TBC1D12: variants seen among roughly 807,000 people sequenced by gnomAD.
TBC1D12 encodes TBC1 domain family member 12, also known as TBC1 domain family, member 12.
TBC1D12 carries 56 observed loss-of-function variants against 86.7 expected under a neutral mutation model. The observed-to-expected ratio is 0.65, with a 90% CI of 0.52 to 0.81. The LOEUF (loss-of-function observed/expected upper bound fraction) is 0.81, where lower values mean the gene tolerates loss of function less well. Among genes scored for constraint, TBC1D12 ranks in the 30% least tolerant of loss-of-function variants. The pLI is 0.00. For missense variants in TBC1D12, 1,023 were observed against 1,038.8 expected (o/e 0.98, Z 0.21); for synonymous variants, 421 against 411.7 (o/e 1.02, Z -0.27).
intron 2 of TBC1D12, among the ~76,000 whole-genome samples, chr10:94,472,070 G>A (rs1057342125): frequency 5.9e-5 from 9 of 152,174 alleles, no homozygotes; most frequent in Admixed American, 2.6e-4. Context: ...GATCTACCCC[G>A]ATGAGCCTTT....
chr10:94,506,203 A>C (rs1405674499), intron 6 of TBC1D12, among the ~76,000 whole-genome samples: 1 of 151,810 alleles, frequency 6.6e-6, no homozygotes. Context: ...TGCCCAGCTA[A>C]ATTTTTTGTA....
chr10:94,444,340 CT>C (rs959995732), intron 2 of TBC1D12, among the ~76,000 whole-genome samples: 4 of 151,236 alleles, frequency 2.6e-5, no homozygotes, highest in African/African-American at 9.7e-5. Context: ...TTAAGAGTTA[CT>C]GTGAAAAAAA....
intron 9 of TBC1D12, 43 bp from the exon 10 acceptor site, chr10:94,521,912 A>G (rs762817378): frequency 6.6e-7 from 1 of 1,516,132 alleles, no homozygotes; most frequent in Non-Finnish European, 8.9e-7. Flanking sequence ...ATATAGATTT[A>G]TTATTGTAAG....
intron 3 of TBC1D12, among the ~76,000 whole-genome samples, chr10:94,490,959 T>C (rs2056237924): frequency 6.6e-6 from 1 of 152,114 alleles, no homozygotes; most frequent in South Asian, 2.1e-4. Flanking sequence ...TCTCTGCAGC[T>C]CCCTTCTTTT....
intron 1 of TBC1D12, among the ~76,000 whole-genome samples, chr10:94,408,496 GT>G (rs1037182834): frequency 1.3e-5 from 2 of 151,904 alleles, no homozygotes; most frequent in African/African-American, 2.4e-5. Context: ...AACCAATGAA[GT>G]TTTTTTGTTT....
chr10:94,488,330 G>T (rs1448220696), intron 3 of TBC1D12, among the ~76,000 whole-genome samples: 2 of 150,264 alleles, frequency 1.3e-5, no homozygotes, highest in African/African-American at 4.9e-5. Context: ...GGAGGCTGCA[G>T]TGAGCTGAGA....
chr10:94,468,644 T>C (rs2055858912), intron 2 of TBC1D12, among the ~76,000 whole-genome samples: 1 of 152,208 alleles, frequency 6.6e-6, no homozygotes, highest in Admixed American at 6.5e-5. Context: ...TTTTAGCAAA[T>C]AATTATGATG....
chr10:94,434,379 G>A (rs1053742015), intron 1 of TBC1D12, among the ~76,000 whole-genome samples: 3 of 151,746 alleles, frequency 2.0e-5, no homozygotes, highest in Non-Finnish European at 4.4e-5. Context: ...GGTGGTGTGC[G>A]CCTGTAATCC....
chr10:94,456,659 T>C (rs2055631400), intron 2 of TBC1D12, among the ~76,000 whole-genome samples: 1 of 152,232 alleles, frequency 6.6e-6, no homozygotes. Flanking sequence ...TTGGATGCGG[T>C]AGTCTACAGA....
At chr10:94,434,734 C>T (rs961039813) in intron 1 of TBC1D12, among the ~76,000 whole-genome samples, 2 of 151,992 alleles carry the variant, frequency 1.3e-5, no homozygotes, top group Non-Finnish European at 2.9e-5. Flanking sequence ...AGTGAGACCT[C>T]GTCTCTACAA....
At chr10:94,463,510 T>G (rs11187966) in intron 2 of TBC1D12, among the ~76,000 whole-genome samples, 1 of 152,024 alleles carries the variant, frequency 6.6e-6, no homozygotes, top group East Asian at 1.9e-4. Context: ...GATTAATCCA[T>G]TCATGAGGGC....
rs1459357583 is a variant in TBC1D12, at chr10:94,421,944, A to G, written c.971+18360A>G. 2.6e-5 allele frequency among the ~76,000 whole-genome samples: 4 copies of G among 152,314 alleles called. No individual in the cohort carries two copies. In the East Asian group the frequency reaches 7.7e-4, roughly 29 times the overall value. On this transcript the variant is annotated intron_variant, in intron 1 of 12. Transcript: ENST00000225235. Reference sequence around the variant, plus strand: ...TGGATTCTAGACCCTTATCAGATAAATGATTTGCAATTATTTTCTCCTATG... The same window carrying G: ...TGGATTCTAGACCCTTATCAGATAAGTGATTTGCAATTATTTTCTCCTATG...
At chr10:94,432,104 G>T (rs1351086037) in intron 1 of TBC1D12, among the ~76,000 whole-genome samples, 1 of 151,910 alleles carries the variant, frequency 6.6e-6, no homozygotes, top group Non-Finnish European at 1.5e-5. Flanking sequence ...TTAATATTTT[G>T]GGGGGTGGGA....
At chr10:94,500,147 G>T (rs2056375561) in intron 5 of TBC1D12, 74 bp from the exon 6 acceptor site, 2 of 1,343,152 alleles carry the variant, frequency 1.5e-6, no homozygotes, top group Admixed American at 4.1e-5. Context: ...ATAGACTAAA[G>T]ATAATCCATC....
intron 3 of TBC1D12, among the ~76,000 whole-genome samples, chr10:94,488,796 C>T (rs2056206284): frequency 6.6e-6 from 1 of 152,030 alleles, no homozygotes; most frequent in Non-Finnish European, 1.5e-5. Flanking sequence ...GAAATGTCAT[C>T]CAGGAGCTAG....
At chr10:94,404,872 C>T (rs1309833801) in intron 1 of TBC1D12, among the ~76,000 whole-genome samples, 1 of 151,924 alleles carries the variant, frequency 6.6e-6, no homozygotes, top group Non-Finnish European at 1.5e-5. Flanking sequence ...CATGGTGAAA[C>T]CCCGTCTCTA....
intron 1 of TBC1D12, 72 bp downstream of exon 1, chr10:94,403,656 C>CGGAGCT (rs2054808322): frequency 2.4e-6 from 3 of 1,274,226 alleles, no homozygotes; most frequent in African/African-American, 4.9e-5. Context: ...TGGTGGGAGT[C>CGGAGCT]GGAGCCGGAG....
At chr10:94,404,386 C>T (rs1222178385) in intron 1 of TBC1D12, among the ~76,000 whole-genome samples, 5 of 152,114 alleles carry the variant, frequency 3.3e-5, no homozygotes, top group Admixed American at 6.5e-5. Context: ...TGGCTCACGC[C>T]TGTAATTCCA....
intron 5 of TBC1D12, among the ~76,000 whole-genome samples, chr10:94,497,700 TG>T (rs1172824050): frequency 3.3e-4 from 46 of 139,918 alleles, no homozygotes; most frequent in African/African-American, 1.2e-3. Context: ...TTTTTTTTTT[TG>T]TATTTTTAGT....
Sources: allele counts gnomAD v4.1 joint callset (sites outside exome capture counted in the v4.1 genomes callset), GRCh38; gene constraint gnomAD v4.1.1; transcripts MANE v1.5; gene names NCBI Gene and HGNC (gene_info 2026-07-23, HGNC 2026-07-21).